Variants in PSEN2 observed in about 807,000 individuals in gnomAD.
PSEN2 encodes presenilin-2.
A neutral mutation model predicts 49.1 loss-of-function variants in PSEN2; 32 were observed. That is an observed-to-expected ratio of 0.65 (90% confidence interval 0.49 to 0.88). The LOEUF is 0.88. Ranked by LOEUF, PSEN2 falls within the 40% of genes least tolerant of loss-of-function variation. The probability of loss-of-function intolerance (pLI) is 0.00; values close to 1 mark genes in which losing one functional copy is unlikely to be tolerated. For missense variants in PSEN2, 522 were observed against 586.9 expected, an observed-to-expected ratio of 0.89 and a Z score of 1.14; for synonymous variants, 255 against 244.0, an observed-to-expected ratio of 1.05 and a Z score of -0.42.
downstream of PSEN2, chr1:226,896,115 G>A (rs16846619): frequency 0.022 from 3,641 of 168,220 alleles, 136 homozygotes; most frequent in African/African-American, 0.081. Flanking sequence ...AGTTTGGTCC[G>A]TTGTAAATGT....
chr1:226,893,031 C>G (rs1175452393), intron 11 of PSEN2, among the ~76,000 whole-genome samples: 2 of 152,312 alleles, frequency 1.3e-5, no homozygotes, highest in East Asian at 3.9e-4. Flanking sequence ...TTCCTGGGCT[C>G]AAGTGATCCT....
intron 3 of PSEN2, among the ~76,000 whole-genome samples, chr1:226,876,466 C>CTTTAAAGGAAAAT (rs1660633783): frequency 6.6e-6 from 1 of 152,072 alleles, no homozygotes; most frequent in African/African-American, 2.4e-5. Context: ...TGTTGATGCT[C>CTTTAAAGGAAAAT]GTTATTTTCC....
chr1:226,886,682 C>A (rs1661385361), intron 6 of PSEN2, among the ~76,000 whole-genome samples: 1 of 152,190 alleles, frequency 6.6e-6, no homozygotes, highest in African/African-American at 2.4e-5. Flanking sequence ...TGCAGAGTGC[C>A]CAGGCTAGAG....
intron 6 of PSEN2, 32 bp downstream of exon 6, chr1:226,885,711 TTC>T (rs1338166844): frequency 6.9e-6 from 11 of 1,601,562 alleles, no homozygotes; most frequent in Non-Finnish European, 9.3e-6. Flanking sequence ...CCAGCCACGC[TTC>T]TCTCCGTCTG....
intron 6 of PSEN2, among the ~76,000 whole-genome samples, chr1:226,887,386 G>C (rs1661429041): frequency 6.6e-6 from 1 of 152,166 alleles, no homozygotes; most frequent in East Asian, 1.9e-4. Flanking sequence ...CTGAGCTGGT[G>C]ACTGATGAGT....
downstream of PSEN2, among the ~76,000 whole-genome samples, chr1:226,900,370 C>A (rs1194373349): frequency 1.3e-5 from 2 of 152,170 alleles, no homozygotes; most frequent in African/African-American, 4.8e-5. Flanking sequence ...CCCCCTGCCC[C>A]CTCTGTGGAC....
downstream of PSEN2, among the ~76,000 whole-genome samples, chr1:226,897,256 G>C (rs79706017): frequency 6.5e-3 from 986 of 152,336 alleles, 34 homozygotes; most frequent in East Asian, 0.075. Flanking sequence ...TTTATCTTCA[G>C]AAGAGCAGTT....
At chr1:226,889,144 T>C in intron 8 of PSEN2, 95 bp downstream of exon 8, 1 of 1,162,594 alleles carries the variant, frequency 8.6e-7, no homozygotes, top group Non-Finnish European at 1.2e-6. Context: ...GCTGAAGGGC[T>C]TGCATCCCTT....
chr1:226,873,858 T>G (rs189333497), intron 2 of PSEN2, among the ~76,000 whole-genome samples: 1 of 152,344 alleles, frequency 6.6e-6, no homozygotes, highest in Admixed American at 6.5e-5. Context: ...TTCCTTTTAT[T>G]GAGTACTCAT....
At position 226,893,862 on chromosome 1, in the gene PSEN2, C is replaced by T. The variant is rs189372290; in HGVS notation, c.1073-145C>T. On this transcript the variant is annotated intron_variant, in intron 11 of 12. Coordinates refer to ENST00000366783, the MANE Select transcript of PSEN2 (RefSeq NM_000447.3). ...GATTTGGGGAGGCAGCTGTCCATGT[C>T]CCCAGTCCACATCTTAGCTTCTAGA... 4.6e-5 allele frequency: 34 copies of T among 731,992 alleles called. No homozygotes were observed. The African/African-American group carries it at 5.2e-4, about 11-fold the overall frequency. The allele number at this position is 731,992 out of a possible 1,614,324, so 45.3% of individuals were successfully genotyped here.
intron 5 of PSEN2, chr1:226,884,702 C>T (rs1243928084): frequency 6.6e-6 from 1 of 151,786 alleles, no homozygotes; most frequent in Non-Finnish European, 1.5e-5. Flanking sequence ...TTATTTGAGC[C>T]CAGGAGTTTG....
At chr1:226,888,196 C>T in intron 7 of PSEN2, 38 bp downstream of exon 7, 1 of 1,550,172 alleles carries the variant, frequency 6.5e-7, no homozygotes, top group Non-Finnish European at 8.9e-7. Flanking sequence ...CTGGGAGCCC[C>T]TCTCCATGTG....
At chr1:226,876,224 C>T (rs917471034) in intron 3 of PSEN2, among the ~76,000 whole-genome samples, 3 of 152,134 alleles carry the variant, frequency 2.0e-5, no homozygotes, top group Non-Finnish European at 4.4e-5. Context: ...CCAAGGATTT[C>T]AGAGCACCAG....
chr1:226,878,467 T>G (rs1254333474), intron 3 of PSEN2, among the ~76,000 whole-genome samples: 2 of 152,308 alleles, frequency 1.3e-5, no homozygotes, highest in East Asian at 3.9e-4. Flanking sequence ...CACCCACCCA[T>G]CAGCTCCCTT....
At chr1:226,873,163 G>A (rs763331342) in intron 2 of PSEN2, among the ~76,000 whole-genome samples, 1 of 149,962 alleles carries the variant, frequency 6.7e-6, no homozygotes. Context: ...GGCAACAAGA[G>A]CAAAACTCCA....
Position 226,888,943 on chromosome 1 carries a change from G to T in PSEN2, c.681G>T (p.Leu227=). 1 of 1,614,158 alleles carries T rather than the reference G, an allele frequency of 6.2e-7. No individual in the cohort carries two copies. Among genetic ancestry groups the T allele is most frequent in the Non-Finnish European group, 8.5e-7 (1 of 1,180,018 alleles). Residue 227 remains leucine, a synonymous_variant, in exon 8 of 13, where the codon CTG becomes CTT. Transcript: ENST00000366783. ...VCIHWKGPLV[L]QQAYLIMISA... ...TCCACTGGAAGGGCCCTCTGGTGCT[G>T]CAGCAGGCCTACCTCATCATGATCA... is the stretch of plus-strand genomic sequence containing the variant.
At chr1:226,890,773 T>A in intron 9 of PSEN2, 1 of 187,938 alleles carries the variant, frequency 5.3e-6, no homozygotes, top group East Asian at 1.4e-4. Flanking sequence ...GGGGCTTAAA[T>A]AGCCTGAATT....
chr1:226,892,797 A>G (rs1363421110), intron 11 of PSEN2, among the ~76,000 whole-genome samples: 1 of 152,192 alleles, frequency 6.6e-6, no homozygotes, highest in Non-Finnish European at 1.5e-5. Context: ...CACAAGCTCT[A>G]GAGGGTCTAG....
At chr1:226,873,732 A>G (rs1037320501) in intron 2 of PSEN2, among the ~76,000 whole-genome samples, 1 of 152,156 alleles carries the variant, frequency 6.6e-6, no homozygotes, top group African/African-American at 2.4e-5. Flanking sequence ...ACCACTCTTA[A>G]CATGCATTTC....
Sources: gnomAD v4.1 joint callset for allele counts (sites outside exome capture counted in the v4.1 genomes callset) on GRCh38, gnomAD v4.1.1 for gene constraint, MANE v1.5 for transcripts, NCBI Gene and HGNC (gene_info 2026-07-23, HGNC 2026-07-21) for gene names.